The following DDHD1 variants were observed in gnomAD, a reference collection of about 807,000 sequenced individuals.
The protein encoded by DDHD1 is phospholipase DDHD1.
A neutral mutation model predicts 96.4 loss-of-function variants in DDHD1; 49 were observed. The observed-to-expected ratio is 0.51, with a 90% CI of 0.40 to 0.64. The LOEUF (loss-of-function observed/expected upper bound fraction) is 0.64. DDHD1 is among the 30% of genes least tolerant of loss of function. The probability of loss-of-function intolerance (pLI) is 0.00; values close to 1 mark genes in which losing one functional copy is unlikely to be tolerated. For missense variants in DDHD1, 1,106 were observed against 1,161.2 expected (o/e 0.95, Z 0.69); for synonymous variants, 442 against 446.5 (o/e 0.99, Z 0.13).
chr14:53,062,487 CAT>C (rs1368934501), intron 7 of DDHD1, among the ~76,000 whole-genome samples: 3 of 151,776 alleles, frequency 2.0e-5, no homozygotes, highest in Admixed American at 6.6e-5. Context: ...TTATATAACA[CAT>C]ATAATTATGT....
chr14:53,055,468 A>G (rs1039359091), intron 10 of DDHD1, among the ~76,000 whole-genome samples, 192 bp downstream of exon 10: 2 of 152,216 alleles, frequency 1.3e-5, no homozygotes, highest in African/African-American at 4.8e-5. Context: ...TTCTAAAACT[A>G]TAAGATCTGA....
rs1881705270 is a variant in DDHD1, at chr14:53,042,164, TTAAA to T, written c.*4600_*4603del. 1 of 152,170 alleles carries T rather than the reference TTAAA, an allele frequency of 6.6e-6. No individual in the cohort carries two copies. Among genetic ancestry groups the T allele is most frequent in the South Asian group, 2.1e-4 (1 of 4,826 alleles). 9.4% of individuals were successfully genotyped at this position (152,170 alleles called of 1,614,324 possible). A position where few individuals can be genotyped will look rare whatever the true frequency, so the allele number is the denominator to read the frequency against. ...GTAAATGCCAAATTAAAAAATATGGTTAAATAAATTTGGAGGCCCCCACGCAGCA... is the reference window on the plus strand; with the variant it reads ...GTAAATGCCAAATTAAAAAATATGGTTAAATTTGGAGGCCCCCACGCAGCA... On this transcript the variant is annotated 3_prime_UTR_variant, in exon 13 of 13. Transcript: ENST00000673822.
chr14:53,106,794 A>T (rs1474804099), intron 1 of DDHD1, among the ~76,000 whole-genome samples: 1 of 152,224 alleles, frequency 6.6e-6, no homozygotes, highest in Admixed American at 6.5e-5. Context: ...GCTGTTCTGT[A>T]TTAATCTGTC....
chr14:53,079,118 T>C (rs954538185), intron 4 of DDHD1, among the ~76,000 whole-genome samples: 2 of 152,210 alleles, frequency 1.3e-5, no homozygotes, highest in African/African-American at 4.8e-5. Flanking sequence ...TGGCATTTCA[T>C]TGACATTTCT....
In DDHD1 at chr14:53,103,678, C is replaced by T. The variant is rs1435513582; in HGVS notation, c.1012+5G>A. 1.9e-6 allele frequency: 3 copies of T among 1,604,394 alleles called. No individual in the cohort carries two copies. The African/African-American group carries it at 4.0e-5, about 22-fold the overall frequency. ...GAATATATTAAATGTATCAATTGAT[C>T]TTACCATCTTTTCCATCTATGGATT... is the stretch of plus-strand genomic sequence containing the variant. On this transcript the variant is annotated splice_donor_5th_base_variant and intron_variant, in intron 2 of 12. Coordinates refer to ENST00000673822, the MANE Select transcript of DDHD1 (RefSeq NM_001160148.2).
At chr14:53,124,249 T>TTATATATATATATATATATATATA (rs35996453) in intron 1 of DDHD1, among the ~76,000 whole-genome samples, 39 of 146,506 alleles carry the variant, frequency 2.7e-4, no homozygotes, top group African/African-American at 1.0e-3. Context: ...AAAAAAAAAA[T>TTATATATATATATATATATATATA]TATATATATA....
At chr14:53,098,293 G>C (rs903770725) in intron 2 of DDHD1, among the ~76,000 whole-genome samples, 1 of 151,906 alleles carries the variant, frequency 6.6e-6, no homozygotes. Flanking sequence ...ACATAGCAAT[G>C]AAAAAGATTT....
rs1891556304 is a variant in DDHD1 at position 53,152,865 on chromosome 14, G to T, written c.234C>A (p.Leu78=). 1 of 1,611,530 alleles carries T rather than the reference G, an allele frequency of 6.2e-7. No homozygotes were observed. The highest frequency in any genetic ancestry group is 8.5e-7 in the Non-Finnish European group (1 of 1,179,088). ...CGTCACTGAGGCAGGGGTCCAGCGC[G>T]AGGTGGTGGTTGTGGTCGTCGGTGC... ...APGTDDHNHH[L]ALDPCLSDEN... Residue 78 remains leucine (L), a synonymous_variant, in exon 1 of 13, where the codon CTC becomes CTA. Coordinates refer to ENST00000673822, the MANE Select transcript of DDHD1 (RefSeq NM_001160148.2).
intron 4 of DDHD1, among the ~76,000 whole-genome samples, chr14:53,080,559 A>G (rs1885372437): frequency 6.6e-6 from 1 of 151,440 alleles, no homozygotes; most frequent in Non-Finnish European, 1.5e-5. Flanking sequence ...TTTGCCATAT[A>G]TTTTTTTTCC....
In DDHD1 at chr14:53,046,408, T is replaced by C. The variant is rs1882010984; in HGVS notation, c.*360A>G. ...TATGCTGAACCTTGACCATTTTTGA[T>C]TTATAACATACTTTGGTTAATACAT... is the stretch of plus-strand genomic sequence containing the variant. On this transcript the variant is annotated 3_prime_UTR_variant, in exon 13 of 13. Coordinates refer to ENST00000673822, the MANE Select transcript of DDHD1 (RefSeq NM_001160148.2). 6.4e-6 allele frequency: 1 copy of C among 156,580 alleles called. No individual in the cohort carries two copies. Among genetic ancestry groups the C allele is most frequent in the African/African-American group, 2.4e-5 (1 of 41,658 alleles). The allele number at this position is 156,580 out of a possible 1,614,324, so 9.7% of individuals were successfully genotyped here.
intron 1 of DDHD1, among the ~76,000 whole-genome samples, chr14:53,111,544 T>C (rs997070955): frequency 2.6e-5 from 4 of 152,222 alleles, no homozygotes; most frequent in African/African-American, 9.6e-5. Flanking sequence ...GACTTTGAGT[T>C]TTCCTGTACA....
In DDHD1 at chr14:53,078,426, G is replaced by A. The variant is rs149962813; in HGVS notation, c.1290-4579C>T. 1.3e-4 allele frequency among the ~76,000 whole-genome samples: 20 copies of A among 152,016 alleles called. No homozygotes were observed. The East Asian group carries it at 3.3e-3, about 25-fold the overall frequency. On this transcript the variant is annotated intron_variant, in intron 4 of 12. Transcript: ENST00000673822. ...ATTGGCCATTTGTATATCCTATTTC[G>A]ACAAATGTCTACTCAAATCCTTTAC...
intron 6 of DDHD1, among the ~76,000 whole-genome samples, chr14:53,070,828 T>C (rs1315965154): frequency 6.6e-6 from 1 of 152,118 alleles, no homozygotes; most frequent in Non-Finnish European, 1.5e-5. Flanking sequence ...AGAAAACATA[T>C]ACACTGAATC....
intron 12 of DDHD1, among the ~76,000 whole-genome samples, chr14:53,051,229 AG>A (rs1246080759): frequency 3.9e-5 from 6 of 151,930 alleles, no homozygotes; most frequent in Non-Finnish European, 1.5e-5. Flanking sequence ...CTGTGGAAAA[AG>A]AATCAGAAGT....
chr14:53,081,353 T>C (rs1199116377), intron 4 of DDHD1, among the ~76,000 whole-genome samples: 1 of 152,260 alleles, frequency 6.6e-6, no homozygotes. Context: ...AATATTTTTC[T>C]ACCCACTCAT....
intron 1 of DDHD1, among the ~76,000 whole-genome samples, chr14:53,112,767 C>T (rs1483158212): frequency 1.3e-5 from 2 of 152,032 alleles, no homozygotes; most frequent in Non-Finnish European, 2.9e-5. Context: ...ATTTGTGGAG[C>T]CTACACATTC....
intron 1 of DDHD1, among the ~76,000 whole-genome samples, chr14:53,139,800 A>T (rs1890513119): frequency 6.6e-6 from 1 of 151,776 alleles, no homozygotes; most frequent in African/African-American, 2.4e-5. Flanking sequence ...ATTATAAGAC[A>T]TACAAAGAAG....
At chr14:53,104,089 T>G (rs946016075) in intron 1 of DDHD1, among the ~76,000 whole-genome samples, 11 of 152,136 alleles carry the variant, frequency 7.2e-5, no homozygotes, top group Admixed American at 2.0e-4. Flanking sequence ...GCCTTGACCT[T>G]CCAGGCTAAT....
chr14:53,118,182 T>C (rs983513249), intron 1 of DDHD1, among the ~76,000 whole-genome samples: 1 of 151,988 alleles, frequency 6.6e-6, no homozygotes, highest in African/African-American at 2.4e-5. Flanking sequence ...AGACCAAAGG[T>C]AGATAAAACC....
Sources: gnomAD v4.1 joint callset for allele counts (sites outside exome capture counted in the v4.1 genomes callset) on GRCh38, gnomAD v4.1.1 for gene constraint, MANE v1.5 for transcripts, NCBI Gene and HGNC (gene_info 2026-07-23, HGNC 2026-07-21) for gene names.